The following MTMR7 variants were observed in gnomAD, a reference collection of about 807,000 sequenced individuals.
MTMR7 encodes the protein myotubularin related protein 7.
In MTMR7, 76 loss-of-function variants were observed where a neutral mutation model predicts 81.2. The observed-to-expected ratio is 0.94, with a 90% confidence interval of 0.78 to 1.13. MTMR7 has a LOEUF of 1.13. MTMR7 is among the 50% of genes most tolerant of loss of function. The pLI is 0.00. For synonymous variants in MTMR7, 372 were observed against 289.8 expected (o/e 1.28, Z -2.88); for missense variants, 1,044 against 820.0 (o/e 1.27, Z -3.34).
At chr8:17,387,270 G>T (rs1289358670) in intron 1 of MTMR7, among the ~76,000 whole-genome samples, 1 of 152,130 alleles carries the variant, frequency 6.6e-6, no homozygotes, top group Non-Finnish European at 1.5e-5. Context: ...ATTTAGCCTG[G>T]AGAGCCCATA....
At chr8:17,400,731 C>A (rs1053884093) in intron 1 of MTMR7, among the ~76,000 whole-genome samples, 3 of 151,880 alleles carry the variant, frequency 2.0e-5, no homozygotes, top group Admixed American at 6.5e-5. Flanking sequence ...TCACTGTAAT[C>A]AAATACGCTC....
chr8:17,364,578 TC>T, intron 3 of MTMR7, among the ~76,000 whole-genome samples: 1 of 152,184 alleles, frequency 6.6e-6, no homozygotes, highest in African/African-American at 2.4e-5. Flanking sequence ...TCTCCCCACG[TC>T]CCCCACCCCC....
intron 4 of MTMR7, among the ~76,000 whole-genome samples, chr8:17,358,050 G>A (rs1230114341): frequency 6.6e-6 from 1 of 151,914 alleles, no homozygotes; most frequent in South Asian, 2.1e-4. Flanking sequence ...TCATAGACAT[G>A]AAAAAGGAAA....
chr8:17,318,899 C>T (rs145225667), intron 7 of MTMR7, among the ~76,000 whole-genome samples: 25 of 151,858 alleles, frequency 1.6e-4, no homozygotes, highest in Admixed American at 3.3e-4. Context: ...GGCACCCAGC[C>T]CTACACCCTC....
intron 6 of MTMR7, among the ~76,000 whole-genome samples, chr8:17,337,309 G>A (rs1393603256): frequency 6.8e-6 from 1 of 147,936 alleles, no homozygotes; most frequent in Non-Finnish European, 1.5e-5. Flanking sequence ...AGGTTGCAGT[G>A]ATCCGAGATC....
rs114694427 is a variant in MTMR7, at chr8:17,382,628, T to C, written c.25-9388A>G. Among the ~76,000 whole-genome samples, 563 of 152,334 alleles carry C rather than the reference T, an allele frequency of 3.7e-3. 4 individuals are homozygous for C. Among genetic ancestry groups the C allele is most frequent in the African/African-American group, 0.013 (541 of 41,582 alleles). On this transcript the variant is annotated intron_variant, in intron 1 of 13. Transcript: ENST00000180173. ...ATGTTGATATTCACGCTACACGGCATGCAGAACAATCTTAGTGTCTCAAAT... is the reference window on the plus strand; with the variant it reads ...ATGTTGATATTCACGCTACACGGCACGCAGAACAATCTTAGTGTCTCAAAT...
chr8:17,331,089 T>A (rs1818976270), intron 7 of MTMR7, 61 bp downstream of exon 7: 11 of 1,554,002 alleles, frequency 7.1e-6, no homozygotes, highest in Non-Finnish European at 9.6e-6. Flanking sequence ...ACTATCTTAT[T>A]CCCTTTTGGC....
chr8:17,304,134 T>G (rs1028634156), intron 12 of MTMR7, among the ~76,000 whole-genome samples: 1 of 152,200 alleles, frequency 6.6e-6, no homozygotes, highest in Non-Finnish European at 1.5e-5. Flanking sequence ...GAACTTAACC[T>G]TTTTATGATA....
At chr8:17,354,951 T>C (rs1363759289) in intron 4 of MTMR7, among the ~76,000 whole-genome samples, 1 of 152,186 alleles carries the variant, frequency 6.6e-6, no homozygotes, top group Non-Finnish European at 1.5e-5. Context: ...AGTTTGTTCC[T>C]TGTTAGTTTT....
At chr8:17,409,768 C>T (rs978893706) in intron 1 of MTMR7, among the ~76,000 whole-genome samples, 7 of 152,070 alleles carry the variant, frequency 4.6e-5, no homozygotes, top group African/African-American at 1.7e-4. Context: ...TGGACAACAG[C>T]CTGAGAAATC....
In MTMR7 at chr8:17,309,259, G is replaced by C; in HGVS notation, c.1151+18C>G. 1 of 1,456,218 alleles carries C rather than the reference G, an allele frequency of 6.9e-7. No individual in the cohort carries two copies. The highest frequency in any genetic ancestry group is 1.8e-5 in the Admixed American group (1 of 56,668). 90.2% of individuals were successfully genotyped at this position (1,456,218 alleles called of 1,614,324 possible). On this transcript the variant is annotated intron_variant, in intron 10 of 13. Coordinates refer to ENST00000180173, the MANE Select transcript of MTMR7 (RefSeq NM_004686.5). ...GCTTTTATTCTAAACATTCAAAACA[G>C]TCTTAAATATTACTTACCGGTGATT...
At chr8:17,333,804 G>C (rs1309263620) in intron 6 of MTMR7, among the ~76,000 whole-genome samples, 4 of 152,058 alleles carry the variant, frequency 2.6e-5, no homozygotes, top group Non-Finnish European at 4.4e-5. Flanking sequence ...AGCTGTGATC[G>C]TGCCACTGTA....
intron 1 of MTMR7, among the ~76,000 whole-genome samples, chr8:17,393,031 A>G (rs895172946): frequency 1.3e-5 from 2 of 152,216 alleles, no homozygotes; most frequent in African/African-American, 2.4e-5. Context: ...AAGATCATAT[A>G]CCTAGCTATA....
intron 4 of MTMR7, among the ~76,000 whole-genome samples, chr8:17,352,753 G>A (rs1459523823): frequency 2.6e-5 from 4 of 152,132 alleles, no homozygotes; most frequent in Non-Finnish European, 4.4e-5. Flanking sequence ...ACAATTGTTA[G>A]GATGGCCACT....
At chr8:17,383,033 G>A (rs1358466909) in intron 1 of MTMR7, among the ~76,000 whole-genome samples, 1 of 150,260 alleles carries the variant, frequency 6.7e-6, no homozygotes, top group Non-Finnish European at 1.5e-5. Context: ...ATATGGGGGG[G>A]CCGGGATCCC....
At chr8:17,346,518 C>A (rs1182893827) in intron 5 of MTMR7, among the ~76,000 whole-genome samples, 1 of 152,026 alleles carries the variant, frequency 6.6e-6, no homozygotes, top group African/African-American at 2.4e-5. Context: ...AGGCGTGGAG[C>A]CATGTGGGTC....
intron 5 of MTMR7, among the ~76,000 whole-genome samples, chr8:17,346,704 T>G (rs957095996): frequency 6.8e-6 from 1 of 147,434 alleles, no homozygotes; most frequent in East Asian, 1.9e-4. Context: ...TTAAATATTC[T>G]ACAGACAACA....
intron 1 of MTMR7, among the ~76,000 whole-genome samples, chr8:17,392,905 T>C (rs965029681): frequency 6.6e-6 from 1 of 152,242 alleles, no homozygotes; most frequent in Non-Finnish European, 1.5e-5. Context: ...GCAATGAGGA[T>C]GATTATAAAA....
At position 17,367,627 on chromosome 8, in the gene MTMR7, T is replaced by C. The variant is rs570573143; in HGVS notation, c.310+3410A>G. Among the ~76,000 whole-genome samples the C allele has an allele frequency of 2.0e-5, 3 of 152,304 alleles. No individual in the cohort carries two copies. The East Asian group carries it at 5.8e-4, about 29-fold the overall frequency. The stretch of plus-strand genomic sequence containing the variant: ...TTTATTCACACAAAAAGCAAACCAA[T>C]AAAGTCTCTAATTTTTTAATAATTT... On this transcript the variant is annotated intron_variant, in intron 3 of 13. Coordinates refer to ENST00000180173, the MANE Select transcript of MTMR7 (RefSeq NM_004686.5).
Sources: gnomAD v4.1 joint callset for allele counts (sites outside exome capture counted in the v4.1 genomes callset) on GRCh38, gnomAD v4.1.1 for gene constraint, MANE v1.5 for transcripts, NCBI Gene and HGNC (gene_info 2026-07-23, HGNC 2026-07-21) for gene names.